PCDH15: variants seen among roughly 807,000 people sequenced by gnomAD.
PCDH15 encodes the protein protocadherin related 15.
Under a neutral mutation model 178.5 loss-of-function variants are expected in PCDH15, and 129 were observed. The ratio of observed to expected loss-of-function variants is 0.72; its 90% confidence interval spans 0.63 to 0.84. The LOEUF (loss-of-function observed/expected upper bound fraction) is 0.84. Ranked by LOEUF, PCDH15 falls within the 40% of genes least tolerant of loss-of-function variation. PCDH15 has a pLI of 0.00. For synonymous variants in PCDH15, 800 were observed against 732.0 expected, an observed-to-expected ratio of 1.09 and a Z score of -1.50; for missense variants, 2,230 against 2,099.9, an observed-to-expected ratio of 1.06 and a Z score of -1.21.
chr10:55,042,464 G>A (rs1420880672), intron 2 of PCDH15, among the ~76,000 whole-genome samples: 1 of 152,080 alleles, frequency 6.6e-6, no homozygotes, highest in Non-Finnish European at 1.5e-5. Flanking sequence ...ACGATATTAT[G>A]TAAAAGAAAG....
Position 55,333,809 on chromosome 10 carries a change from A to T in PCDH15, c.-155-167158T>A, listed in dbSNP as rs540697922. ...TCTTAATAAAAATTTCAAGAAAAAA[A>T]AGCTAAAGAAAACATAAAAGGAAAC... On this transcript the variant is annotated intron_variant, in intron 2 of 5. Coordinates refer to the PCDH15 transcript ENST00000613346. Among the ~76,000 whole-genome samples the T allele has an allele frequency of 7.2e-5, 11 of 152,042 alleles. No individual in the cohort carries two copies. In the South Asian group the frequency reaches 2.3e-3, roughly 32 times the overall value.
At chr10:55,145,629 C>T (rs1319640030) in intron 2 of PCDH15, among the ~76,000 whole-genome samples, 1 of 151,978 alleles carries the variant, frequency 6.6e-6, no homozygotes, top group Non-Finnish European at 1.5e-5. Flanking sequence ...AAGTAGATGA[C>T]ATCCTTTGTT....
In PCDH15 at chr10:53,806,523, C is replaced by A; in HGVS notation, c.*56G>T. 1 of 1,362,918 alleles carries A rather than the reference C, an allele frequency of 7.3e-7. No individual in the cohort carries two copies. Among genetic ancestry groups the A allele is most frequent in the Non-Finnish European group, 1.0e-6 (1 of 1,003,108 alleles). The allele number at this position is 1,362,918 out of a possible 1,614,324, so 84.4% of individuals were successfully genotyped here. A position where few individuals can be genotyped will look rare whatever the true frequency, so the allele number is the denominator to read the frequency against. On this transcript the variant is annotated 3_prime_UTR_variant, in exon 38 of 38. Transcript: ENST00000644397. The stretch of plus-strand genomic sequence containing the variant: ...TTGTTTTCTCAGTGACAATAAAAAG[C>A]ACAGTTTATTAAAAATGTAAGTAAA...
intron 2 of PCDH15, among the ~76,000 whole-genome samples, chr10:55,106,453 G>A (rs576201914): frequency 1.6e-4 from 25 of 152,112 alleles, no homozygotes; most frequent in South Asian, 4.1e-4. Flanking sequence ...CGCTCTTGTC[G>A]CCCAGGCTGG....
At chr10:54,337,432 G>A (rs1391368197) in intron 6 of PCDH15, among the ~76,000 whole-genome samples, 2 of 152,042 alleles carry the variant, frequency 1.3e-5, no homozygotes, top group East Asian at 1.9e-4. Context: ...GGAGGGACCC[G>A]GTGAGAGATA....
intron 3 of PCDH15, among the ~76,000 whole-genome samples, chr10:54,846,434 A>G (rs1184904458): frequency 6.6e-6 from 1 of 152,030 alleles, no homozygotes; most frequent in Non-Finnish European, 1.5e-5. Flanking sequence ...ACTTGAAGCT[A>G]TTCATGTGTC....
chr10:55,481,165 G>T (rs1418879750), intron 2 of PCDH15, among the ~76,000 whole-genome samples: 3 of 151,728 alleles, frequency 2.0e-5, no homozygotes, highest in African/African-American at 7.3e-5. Context: ...TTGTATTTCT[G>T]TGGGGTCATT....
chr10:54,836,315 G>C (rs1350687372), intron 3 of PCDH15, among the ~76,000 whole-genome samples: 4 of 152,090 alleles, frequency 2.6e-5, no homozygotes, highest in African/African-American at 9.7e-5. Flanking sequence ...TAAATGTCAA[G>C]GTTGAGTGAA....
chr10:55,265,114 A>G (rs780196448), intron 1 of PCDH15, among the ~76,000 whole-genome samples: 1 of 151,842 alleles, frequency 6.6e-6, no homozygotes, highest in Non-Finnish European at 1.5e-5. Flanking sequence ...CCCTCCTAGA[A>G]ATCCTCACCC....
intron 1 of PCDH15, among the ~76,000 whole-genome samples, chr10:55,174,862 T>C (rs1839433445): frequency 6.6e-6 from 1 of 152,178 alleles, no homozygotes; most frequent in South Asian, 2.1e-4. Context: ...CCCTTTTCTC[T>C]ACAAGACTTA....
chr10:54,767,816 C>T (rs553128465), intron 1 of PCDH15, among the ~76,000 whole-genome samples: 6 of 152,132 alleles, frequency 3.9e-5, no homozygotes, highest in African/African-American at 1.4e-4. Context: ...AAACAAAGTC[C>T]AAGAAATTGT....
intron 3 of PCDH15, among the ~76,000 whole-genome samples, chr10:54,462,514 T>TTCC (rs2077245885): frequency 4.0e-5 from 1 of 25,268 alleles, no homozygotes; most frequent in Non-Finnish European, 1.1e-4. Flanking sequence ...TTTCTTTTCT[T>TTCC]TTTTTTTTTT....
intron 28 of PCDH15, among the ~76,000 whole-genome samples, chr10:53,854,433 G>T (rs1481338466): frequency 6.6e-6 from 1 of 151,918 alleles, no homozygotes; most frequent in Non-Finnish European, 1.5e-5. Context: ...ACAACAAAAG[G>T]AATGGGGCAT....
chr10:54,009,347 A>C (rs528833008), intron 20 of PCDH15, among the ~76,000 whole-genome samples: 1 of 152,124 alleles, frequency 6.6e-6, no homozygotes, highest in East Asian at 1.9e-4. Flanking sequence ...AGATCCTGAT[A>C]AAACTCTCCC....
intron 1 of PCDH15, among the ~76,000 whole-genome samples, chr10:54,755,966 A>G (rs1947026174): frequency 6.6e-6 from 1 of 151,806 alleles, no homozygotes; most frequent in South Asian, 2.1e-4. Flanking sequence ...CATACCTGTA[A>G]TCCCAGCACT....
chr10:55,331,657 T>G (rs1271777055), intron 2 of PCDH15, among the ~76,000 whole-genome samples: 1 of 152,004 alleles, frequency 6.6e-6, no homozygotes, highest in African/African-American at 2.4e-5. Context: ...ACAAGCAAGG[T>G]GGGTCTCCAG....
chr10:54,030,592 G>A (rs2093264744), intron 18 of PCDH15, among the ~76,000 whole-genome samples: 1 of 151,810 alleles, frequency 6.6e-6, no homozygotes, highest in Admixed American at 6.6e-5. Context: ...AGAATGAATA[G>A]CTTTTCATTC....
chr10:54,092,076 A>G (rs1420944821), intron 15 of PCDH15, among the ~76,000 whole-genome samples: 1 of 152,198 alleles, frequency 6.6e-6, no homozygotes, highest in Non-Finnish European at 1.5e-5. Context: ...AAAAAATAAA[A>G]GAAATTCAAA....
intron 1 of PCDH15, among the ~76,000 whole-genome samples, chr10:55,216,274 T>C (rs564220273): frequency 3.9e-5 from 6 of 152,150 alleles, no homozygotes; most frequent in African/African-American, 1.4e-4. Flanking sequence ...GTGTGGTGGT[T>C]ACTTAGGAAA....
Sources: allele counts gnomAD v4.1 joint callset (sites outside exome capture counted in the v4.1 genomes callset), GRCh38; gene constraint gnomAD v4.1.1; transcripts MANE v1.5; gene names NCBI Gene and HGNC (gene_info 2026-07-23, HGNC 2026-07-21).